ADARB1: variants seen among roughly 807,000 people sequenced by gnomAD.
ADARB1 encodes the protein double-stranded RNA-specific editase 1.
ADARB1 carries 10 observed loss-of-function variants against 52.4 expected under a neutral mutation model. The ratio of observed to expected loss-of-function variants is 0.19; its 90% CI spans 0.12 to 0.32. The LOEUF (loss-of-function observed/expected upper bound fraction) is 0.32. ADARB1 is among the 10% of genes least tolerant of loss of function. The pLI, the probability that ADARB1 is intolerant of heterozygous loss-of-function variation, is 1.00. For missense variants in ADARB1, 643 were observed against 922.3 expected (o/e 0.70, Z 3.92); for synonymous variants, 349 against 371.1 (o/e 0.94, Z 0.68).
chr21:45,186,531 T>A (rs1469161094), intron 8 of ADARB1, among the ~76,000 whole-genome samples: 1 of 152,242 alleles, frequency 6.6e-6, no homozygotes. Context: ...ACACCAATAG[T>A]GCATTAAGTT....
Position 45,175,971 on chromosome 21 carries a change from G to C in ADARB1, c.270G>C (p.Lys90Asn). The C allele has an allele frequency of 6.2e-7, 1 of 1,613,248 alleles. No homozygotes were observed. Among genetic ancestry groups the C allele is most frequent in the Non-Finnish European group, 8.5e-7 (1 of 1,179,666 alleles). Residue 90 changes from lysine (K) to asparagine (N), a missense_variant, in exon 4 of 11, where the codon AAG becomes AAC. Lys to Asn is a moderately conservative substitution (Grantham distance 94). Coordinates refer to ENST00000348831, the MANE Select transcript of ADARB1 (RefSeq NM_001112.4). ...CCCTGATGCAGCTGAATGAGATCAA[G>C]CCTGGTTTGCAGTACACACTCCTGT... The part of the protein sequence containing the change: ...KNALMQLNEI[K>N]PGLQYTLLSQ...
At chr21:45,108,203 A>G (rs929234140) in intron 1 of ADARB1, among the ~76,000 whole-genome samples, 2 of 152,226 alleles carry the variant, frequency 1.3e-5, no homozygotes, top group African/African-American at 4.8e-5. Context: ...AAATTCTAGG[A>G]AAATGGGAAA....
chr21:45,148,372 C>T (rs751336023), intron 2 of ADARB1, among the ~76,000 whole-genome samples: 48 of 152,180 alleles, frequency 3.2e-4, no homozygotes, highest in Non-Finnish European at 4.1e-4. Flanking sequence ...TGTCCTGGGA[C>T]GGCCCCAGTA....
intron 1 of ADARB1, among the ~76,000 whole-genome samples, chr21:45,078,250 T>C (rs2086022972): frequency 6.6e-6 from 1 of 152,220 alleles, no homozygotes; most frequent in African/African-American, 2.4e-5. Context: ...AAATGGAAGC[T>C]CTACTTGCTT....
At chr21:45,149,628 T>G (rs1030016013) in intron 2 of ADARB1, among the ~76,000 whole-genome samples, 2 of 152,380 alleles carry the variant, frequency 1.3e-5, no homozygotes, top group African/African-American at 2.4e-5. Flanking sequence ...AACTGTTATC[T>G]AGGTGTTCTG....
chr21:45,094,428 A>C (rs2086674901), intron 1 of ADARB1, among the ~76,000 whole-genome samples: 1 of 152,206 alleles, frequency 6.6e-6, no homozygotes, highest in Non-Finnish European at 1.5e-5. Context: ...GTTTTTGATT[A>C]ATCCCCTAGG....
rs2086038138 is a variant in ADARB1 at position 45,078,656 on chromosome 21, G to A, written c.-220+3863G>A. ...TGCCAGAGAGGCTGGGCGAGTGGTA[G>A]GAAGTGAGATGGGAGTGGAGGAGAG... On this transcript the variant is annotated intron_variant, in intron 1 of 10. Transcript: ENST00000348831. 2.6e-5 allele frequency among the ~76,000 whole-genome samples: 4 copies of A among 152,222 alleles called. No homozygotes were observed. In the South Asian group the frequency reaches 8.3e-4, roughly 32 times the overall value.
intron 2 of ADARB1, among the ~76,000 whole-genome samples, chr21:45,168,038 C>G (rs1405341344): frequency 6.6e-6 from 1 of 152,098 alleles, no homozygotes; most frequent in Non-Finnish European, 1.5e-5. Context: ...TTGAATAGCC[C>G]TTCTCGGAGG....
intron 2 of ADARB1, among the ~76,000 whole-genome samples, chr21:45,162,593 G>C (rs529462701): frequency 1.3e-5 from 2 of 152,280 alleles, no homozygotes; most frequent in African/African-American, 4.8e-5. Context: ...ACTGGGTTCT[G>C]ATTTACCAAA....
At chr21:45,214,762 T>G (rs750996742) in intron 9 of ADARB1, among the ~76,000 whole-genome samples, 1 of 152,244 alleles carries the variant, frequency 6.6e-6, no homozygotes, top group Non-Finnish European at 1.5e-5. Flanking sequence ...CAGTATTACA[T>G]TGTCATGATT....
intron 2 of ADARB1, among the ~76,000 whole-genome samples, chr21:45,161,791 A>G (rs1384393512): frequency 1.3e-5 from 2 of 152,076 alleles, no homozygotes; most frequent in African/African-American, 4.8e-5. Context: ...TCCAGGGCTC[A>G]CCCGTGACTG....
At chr21:45,115,812 A>G (rs1282643973) in intron 1 of ADARB1, among the ~76,000 whole-genome samples, 4 of 152,216 alleles carry the variant, frequency 2.6e-5, no homozygotes, top group Non-Finnish European at 5.9e-5. Context: ...GTGCTGTTAC[A>G]TAACACGTGG....
chr21:45,184,802 A>G (rs1300764794), intron 7 of ADARB1, 121 bp from the exon 8 acceptor site: 2 of 1,121,358 alleles, frequency 1.8e-6, no homozygotes, highest in Admixed American at 2.3e-5. Flanking sequence ...TATGGCATAA[A>G]CATATGCATT....
intron 1 of ADARB1, among the ~76,000 whole-genome samples, chr21:45,119,163 C>T (rs1356680195): frequency 6.6e-6 from 1 of 152,188 alleles, no homozygotes; most frequent in Non-Finnish European, 1.5e-5. Context: ...GATCGTGGCT[C>T]ACTGCAGCCT....
In ADARB1 at chr21:45,139,502, G is replaced by A. The variant is rs117865164; in HGVS notation, c.-48+10929G>A. ...TCTCTTTTTCCCATATTCTTGCCTGGCATGGAGTGGTAGAGCAGAGTGGGG... is the reference window on the plus strand; with the variant it reads ...TCTCTTTTTCCCATATTCTTGCCTGACATGGAGTGGTAGAGCAGAGTGGGG... On this transcript the variant is annotated intron_variant, in intron 2 of 10. Coordinates refer to ENST00000348831, the MANE Select transcript of ADARB1 (RefSeq NM_001112.4). 1.9e-3 allele frequency among the ~76,000 whole-genome samples: 285 copies of A among 152,082 alleles called. 2 individuals are homozygous for A. The East Asian group carries it at 0.024, about 13-fold the overall frequency.
In ADARB1 at chr21:45,220,183, C is replaced by G. The variant is rs1792207561; in HGVS notation, c.1748-653C>G. The stretch of plus-strand genomic sequence containing the variant: ...TAGATCCTATTCAGACATGTTTCAG[C>G]AAGTTAGTACAAGTTTATTTTGGTG... On this transcript the variant is annotated intron_variant, in intron 9 of 10. Coordinates refer to ENST00000348831, the MANE Select transcript of ADARB1 (RefSeq NM_001112.4). The surrounding 1 kb of genome is among the most constrained non-coding windows in gnomAD (Gnocchi z 6.3). Among the ~76,000 whole-genome samples, 1 of 152,136 alleles carries G rather than the reference C, an allele frequency of 6.6e-6. No individual in the cohort carries two copies.
chr21:45,158,594 C>T (rs900025324), intron 2 of ADARB1, among the ~76,000 whole-genome samples: 1 of 152,132 alleles, frequency 6.6e-6, no homozygotes, highest in Non-Finnish European at 1.5e-5. Context: ...CCCGAGGCCA[C>T]TGTGCAGCAG....
At chr21:45,108,355 T>C (rs1001901185) in intron 1 of ADARB1, among the ~76,000 whole-genome samples, 2 of 152,234 alleles carry the variant, frequency 1.3e-5, no homozygotes, top group African/African-American at 2.4e-5. Flanking sequence ...CTATTTCTCA[T>C]GTACGTGCTT....
At chr21:45,153,745 C>T (rs995349526) in intron 2 of ADARB1, among the ~76,000 whole-genome samples, 3 of 152,200 alleles carry the variant, frequency 2.0e-5, no homozygotes, top group African/African-American at 7.2e-5. Flanking sequence ...ACCGTGCTGC[C>T]AGGTGCTTGT....
Sources: allele counts gnomAD v4.1 joint callset (sites outside exome capture counted in the v4.1 genomes callset), GRCh38; gene constraint gnomAD v4.1.1; non-coding constraint Gnocchi (gnomAD v3.1); transcripts MANE v1.5; gene names NCBI Gene and HGNC (gene_info 2026-07-23, HGNC 2026-07-21).